The following GAP43 variants were observed in gnomAD, a reference collection of about 807,000 sequenced individuals.
GAP43 encodes the protein growth associated protein 43.
GAP43 carries 6 observed loss-of-function variants against 18.6 expected under a neutral mutation model. The ratio of observed to expected loss-of-function variants is 0.32; its 90% CI spans 0.18 to 0.64. The LOEUF (loss-of-function observed/expected upper bound fraction) is 0.64. Ranked by LOEUF, GAP43 falls within the 30% of genes least tolerant of loss-of-function variation. GAP43 has a pLI of 0.78. For synonymous variants in GAP43, 115 were observed against 111.4 expected (o/e 1.03, Z -0.20); for missense variants, 292 against 295.5 (o/e 0.99, Z 0.09).
chr3:115,708,032 C>G (rs1709387227), intron 2 of GAP43, among the ~76,000 whole-genome samples: 2 of 151,942 alleles, frequency 1.3e-5, no homozygotes, highest in Non-Finnish European at 2.9e-5. Context: ...TATACACACA[C>G]ACACATATAT....
chr3:115,694,030 C>T (rs1709150841), intron 2 of GAP43, among the ~76,000 whole-genome samples: 1 of 151,994 alleles, frequency 6.6e-6, no homozygotes. Flanking sequence ...TGGCACGTGC[C>T]CGGTGGGCTG....
At chr3:115,629,171 A>G (rs1708229557) in intron 1 of GAP43, among the ~76,000 whole-genome samples, 1 of 152,180 alleles carries the variant, frequency 6.6e-6, no homozygotes, top group Non-Finnish European at 1.5e-5. Context: ...GTTTATATAA[A>G]TAACCTGGCA....
intron 1 of GAP43, among the ~76,000 whole-genome samples, chr3:115,667,358 A>G (rs1175683104): frequency 6.6e-6 from 1 of 152,226 alleles, no homozygotes. Context: ...AGAGTGGGTG[A>G]GAAAAGTCTC....
chr3:115,691,046 C>T (rs914389272), intron 2 of GAP43, among the ~76,000 whole-genome samples: 2 of 151,686 alleles, frequency 1.3e-5, no homozygotes, highest in Non-Finnish European at 2.9e-5. Flanking sequence ...TGAGCCACTG[C>T]GCCTGGCCCC....
intron 1 of GAP43, among the ~76,000 whole-genome samples, chr3:115,670,797 T>A (rs1223563815): frequency 6.6e-6 from 1 of 152,204 alleles, no homozygotes; most frequent in Non-Finnish European, 1.5e-5. Flanking sequence ...CTGATAGGCA[T>A]GAAAACTACA....
chr3:115,646,696 A>T (rs1164844875), intron 1 of GAP43, among the ~76,000 whole-genome samples: 1 of 152,024 alleles, frequency 6.6e-6, no homozygotes, highest in East Asian at 1.9e-4. Flanking sequence ...CAGTGCTCTA[A>T]GTTAGTAGAT....
intron 1 of GAP43, among the ~76,000 whole-genome samples, chr3:115,624,454 A>T (rs936618663): frequency 1.3e-5 from 2 of 151,992 alleles, no homozygotes; most frequent in African/African-American, 4.8e-5. Context: ...CTCCGATGGG[A>T]TGGGAAAGAC....
chr3:115,646,798 G>A (rs28370259), intron 1 of GAP43, among the ~76,000 whole-genome samples: 25,635 of 151,892 alleles, frequency 0.17, 2,781 homozygotes, highest in East Asian at 0.39. Flanking sequence ...GTACCATATT[G>A]CAAATGAGTC....
chr3:115,708,973 T>C (rs1182285980), intron 2 of GAP43, among the ~76,000 whole-genome samples: 1 of 149,520 alleles, frequency 6.7e-6, no homozygotes, highest in East Asian at 1.9e-4. Flanking sequence ...TTGCTATCTC[T>C]TTTTGCTTTG....
chr3:115,669,069 T>TACAC (rs151338962), intron 1 of GAP43, among the ~76,000 whole-genome samples: 8,876 of 145,428 alleles, frequency 0.061, 468 homozygotes, highest in African/African-American at 0.14. Flanking sequence ...AAAGAAAAAG[T>TACAC]ACACACACAC....
At chr3:115,694,962 AC>A (rs1709166064) in intron 2 of GAP43, among the ~76,000 whole-genome samples, 1 of 152,182 alleles carries the variant, frequency 6.6e-6, no homozygotes, top group African/African-American at 2.4e-5. Context: ...TACAAATGCG[AC>A]TTTTTATTGT....
intron 2 of GAP43, among the ~76,000 whole-genome samples, chr3:115,679,030 G>T (rs973761536): frequency 6.6e-6 from 1 of 151,872 alleles, no homozygotes; most frequent in Non-Finnish European, 1.5e-5. Context: ...GCCCTGTACT[G>T]CATTTCCTCT....
At chr3:115,658,595 G>A (rs1326509198) in intron 1 of GAP43, 2 of 152,130 alleles carry the variant, frequency 1.3e-5, no homozygotes, top group African/African-American at 2.4e-5. Flanking sequence ...GGGACCGCAG[G>A]GCGTGGCGCG....
At chr3:115,658,653 C>A (rs1290462697) in intron 1 of GAP43, 1 of 152,234 alleles carries the variant, frequency 6.6e-6, no homozygotes, top group Non-Finnish European at 1.5e-5. Context: ...CGACACGGCG[C>A]TTGGGGTCCG....
Position 115,623,580 on chromosome 3 carries a change from G to C in GAP43, c.-110G>C. ...AGGGAGGGAGAGAGAGCGCGCTAGC[G>C]CGAGAGAGCGAGTGAGCAAGCGAGC... On this transcript the variant is annotated 5_prime_UTR_variant, in exon 1 of 3. Transcript: ENST00000305124. 7.1e-7 allele frequency: 1 copy of C among 1,417,670 alleles called. No individual in the cohort carries two copies. The highest frequency in any genetic ancestry group is 9.9e-7 in the Non-Finnish European group (1 of 1,013,086). 87.8% of individuals were successfully genotyped at this position (1,417,670 alleles called of 1,614,324 possible).
At chr3:115,628,823 A>G (rs1468052558) in intron 1 of GAP43, among the ~76,000 whole-genome samples, 2 of 152,160 alleles carry the variant, frequency 1.3e-5, no homozygotes, top group Admixed American at 1.3e-4. Flanking sequence ...TCATCAGGTC[A>G]TCCACATCCA....
intron 2 of GAP43, among the ~76,000 whole-genome samples, chr3:115,710,100 G>A (rs1017918714): frequency 6.6e-5 from 10 of 152,136 alleles, no homozygotes; most frequent in African/African-American, 2.2e-4. Context: ...GGATTCATGT[G>A]TATGGTTTGA....
intron 1 of GAP43, among the ~76,000 whole-genome samples, chr3:115,628,006 G>T (rs1306891636): frequency 6.6e-6 from 1 of 152,106 alleles, no homozygotes; most frequent in African/African-American, 2.4e-5. Flanking sequence ...AGACACAAAT[G>T]AACACTTTGC....
At chr3:115,703,554 A>G (rs199600232) in intron 2 of GAP43, among the ~76,000 whole-genome samples, 4 of 152,118 alleles carry the variant, frequency 2.6e-5, no homozygotes, top group African/African-American at 9.7e-5. Flanking sequence ...GAGGATCTCC[A>G]CAGCCTCTTT....
Sources: allele counts gnomAD v4.1 joint callset (sites outside exome capture counted in the v4.1 genomes callset), GRCh38; gene constraint gnomAD v4.1.1; transcripts MANE v1.5; gene names NCBI Gene and HGNC (gene_info 2026-07-23, HGNC 2026-07-21).